Variants in CLTCL1 observed in about 807,000 individuals in gnomAD.
CLTCL1 encodes clathrin heavy chain 2.
A neutral mutation model predicts 190.0 loss-of-function variants in CLTCL1; 159 were observed. The observed-to-expected ratio is 0.84, with a 90% CI of 0.74 to 0.95. The LOEUF is 0.95. Among genes scored for constraint, CLTCL1 ranks in the 40% least tolerant of loss-of-function variants. CLTCL1 has a pLI of 0.00. For synonymous variants in CLTCL1, 752 were observed against 769.6 expected (o/e 0.98, Z 0.38); for missense variants, 1,878 against 2,033.4 (o/e 0.92, Z 1.47).
chr22:19,196,451 G>A (rs371322004), intron 25 of CLTCL1, 36 bp from the exon 26 acceptor site: 21 of 1,613,684 alleles, frequency 1.3e-5, no homozygotes, highest in Middle Eastern at 1.6e-4. Context: ...TGTGCTGCAC[G>A]TGGCCACGGC....
At chr22:19,287,836 G>A (rs1180608455) in intron 1 of CLTCL1, among the ~76,000 whole-genome samples, 1 of 152,120 alleles carries the variant, frequency 6.6e-6, no homozygotes, top group Non-Finnish European at 1.5e-5. Context: ...CTGTGTTTGA[G>A]GAACCTGCTG....
rs367845108 is a variant in CLTCL1 at position 19,187,700 on chromosome 22, T to C, written c.4463A>G (p.Asp1488Gly). ...QGLRASIDAY[D>G]NFDNISLAQQ... is the part of the protein sequence containing the mutation. ...AGCCAGGCTGATGTTGTCAAAGTTG[T>C]CATAGGCATCGATAGATGCCCTTAA... The change falls in exon 29 of 33, where the codon GAC becomes GGC. Residue 1488 changes from aspartate (D) to glycine (G), a missense_variant. By Grantham distance (94) the Asp-to-Gly change is moderately conservative. Transcript: ENST00000427926. The C allele has an allele frequency of 3.1e-6, 5 of 1,613,734 alleles. No homozygotes were observed. The African/African-American group carries it at 5.3e-5, about 17-fold the overall frequency.
At chr22:19,229,598 A>T (rs1289606988) in intron 11 of CLTCL1, among the ~76,000 whole-genome samples, 3 of 152,250 alleles carry the variant, frequency 2.0e-5, no homozygotes, top group Non-Finnish European at 4.4e-5. Context: ...ATTTTACCAC[A>T]ATGAAAAAAA....
intron 1 of CLTCL1, among the ~76,000 whole-genome samples, chr22:19,280,851 A>G (rs61658362): frequency 0.048 from 7,189 of 151,116 alleles, 596 homozygotes; most frequent in African/African-American, 0.17. Flanking sequence ...ACAGTCACAC[A>G]AAAAGACAAA....
rs782596463 is a variant in CLTCL1 at position 19,201,475 on chromosome 22, C to G, written c.3619G>C (p.Glu1207Gln). 33 of 1,613,416 alleles carry G rather than the reference C, an allele frequency of 2.0e-5. No homozygotes were observed. Among genetic ancestry groups the G allele is most frequent in the Non-Finnish European group, 2.8e-5 (33 of 1,179,576 alleles). ...TTGGCAGCCTCGTACATTCCCTCCT[C>G]GTAACAGCGGTCTCCAACCTACGGA... ...HIQQVGDRCY[E>Q]EGMYEAAKLL... The change falls in exon 23 of 33, where the codon GAG becomes CAG. Residue 1207 changes from glutamate (E) to glutamine (Q), a missense_variant. Glu to Gln is a conservative substitution (Grantham distance 29, BLOSUM62 2). Coordinates refer to ENST00000427926, the MANE Select transcript of CLTCL1 (RefSeq NM_007098.4).
At chr22:19,260,493 T>G (rs1311891813) in intron 2 of CLTCL1, among the ~76,000 whole-genome samples, 1 of 148,606 alleles carries the variant, frequency 6.7e-6, no homozygotes, top group African/African-American at 2.6e-5. Context: ...TATGCTAAAT[T>G]GACTGGGCGC....
chr22:19,278,801 G>A (rs1383708848), intron 1 of CLTCL1, among the ~76,000 whole-genome samples: 2 of 152,212 alleles, frequency 1.3e-5, no homozygotes, highest in Non-Finnish European at 2.9e-5. Context: ...GAGTGCAGTG[G>A]CGTGATCTCG....
chr22:19,186,477 AAC>A (rs1205611149), intron 29 of CLTCL1, among the ~76,000 whole-genome samples: 4 of 152,066 alleles, frequency 2.6e-5, no homozygotes, highest in African/African-American at 7.2e-5. Context: ...CAGCAGAAAA[AAC>A]ACAGTTTCTT....
intron 30 of CLTCL1, chr22:19,181,039 C>T: frequency 1.8e-6 from 1 of 559,692 alleles, no homozygotes; most frequent in Non-Finnish European, 3.2e-6. Context: ...CCAGGTGGGG[C>T]CCCCAGAGCT....
intron 26 of CLTCL1, among the ~76,000 whole-genome samples, chr22:19,194,549 G>A (rs1348185435): frequency 6.6e-6 from 1 of 152,246 alleles, no homozygotes; most frequent in Non-Finnish European, 1.5e-5. Flanking sequence ...CAAGCTCCAG[G>A]ATAGCTGGTT....
At chr22:19,180,262 A>G (rs2146168227) in intron 31 of CLTCL1, 24 bp from the exon 32 acceptor site, 1 of 1,613,540 alleles carries the variant, frequency 6.2e-7, no homozygotes, top group Non-Finnish European at 8.5e-7. Flanking sequence ...AATGACATTA[A>G]TGGTGGAAGG....
At chr22:19,187,514 C>T (rs2146216639) in intron 29 of CLTCL1, 44 bp downstream of exon 29, 1 of 1,586,926 alleles carries the variant, frequency 6.3e-7, no homozygotes, top group East Asian at 2.3e-5. Flanking sequence ...TCAGGAAACA[C>T]ACCAAGGCAG....
chr22:19,256,354 CTTTTTTTTT>C (rs1239133099), intron 2 of CLTCL1, among the ~76,000 whole-genome samples: 5 of 104,338 alleles, frequency 4.8e-5, no homozygotes, highest in South Asian at 3.4e-4. Flanking sequence ...TTTCTTTTAT[CTTTTTTTTT>C]TTTTTTTTTT....
Position 19,184,424 on chromosome 22 carries a change from G to T in CLTCL1, c.4606-813C>A, listed in dbSNP as rs1227093158. The T allele has an allele frequency of 6.6e-6, 3 of 455,064 alleles. No homozygotes were observed. In the Admixed American group the frequency reaches 7.1e-5, roughly 11 times the overall value. 28.2% of individuals were successfully genotyped at this position (455,064 alleles called of 1,614,324 possible). A position where few individuals can be genotyped will look rare whatever the true frequency, so the allele number is the denominator to read the frequency against. ...TGAGTTCCGTTTGGGAGACCCCTGA[G>T]GACGCCCAGTGCCCACATCTGCATG... On this transcript the variant is annotated intron_variant, in intron 29 of 32. Transcript: ENST00000427926.
chr22:19,193,865 A>G (rs1300861929), intron 26 of CLTCL1, among the ~76,000 whole-genome samples: 1 of 152,236 alleles, frequency 6.6e-6, no homozygotes, highest in Non-Finnish European at 1.5e-5. Context: ...TGAGTGTTAC[A>G]GCTTTTAAAC....
chr22:19,232,646 G>A (rs1275519808), intron 9 of CLTCL1, 48 bp from the exon 10 acceptor site: 1 of 1,562,968 alleles, frequency 6.4e-7, no homozygotes, highest in South Asian at 1.2e-5. Flanking sequence ...AAAACCCTGG[G>A]CATTAGAAAA....
At chr22:19,182,199 T>A (rs1460606079) in intron 30 of CLTCL1, 4 of 152,244 alleles carry the variant, frequency 2.6e-5, no homozygotes, top group Non-Finnish European at 5.9e-5. Context: ...GAAAACCTGC[T>A]CATCATGGTG....
chr22:19,194,655 A>G (rs1349766540), intron 26 of CLTCL1, among the ~76,000 whole-genome samples: 1 of 152,150 alleles, frequency 6.6e-6, no homozygotes, highest in Non-Finnish European at 1.5e-5. Flanking sequence ...TGTCCATTGT[A>G]TGGATGGGAT....
Position 19,232,468 on chromosome 22 carries a change from A to G in CLTCL1, c.1644+8T>C, listed in dbSNP as rs149073351. ...CACAAAAAGTTGTCCAAAACTGCCT[A>G]CGCTCACCTGGCTAATGTTGGCCAG... On this transcript the variant is annotated splice_region_variant and intron_variant, in intron 10 of 32. Transcript: ENST00000427926. 1.1e-3 allele frequency: 1,718 copies of G among 1,613,922 alleles called. 9 individuals are homozygous for G. The African/African-American group carries it at 0.016, about 15-fold the overall frequency.
Sources: gnomAD v4.1 joint callset for allele counts (sites outside exome capture counted in the v4.1 genomes callset) on GRCh38, gnomAD v4.1.1 for gene constraint, MANE v1.5 for transcripts, NCBI Gene and HGNC (gene_info 2026-07-23, HGNC 2026-07-21) for gene names.